The following FNIP2 variants were observed in gnomAD, a reference collection of about 807,000 sequenced individuals.
The protein encoded by FNIP2 is folliculin-interacting protein 2.
In FNIP2, 32 loss-of-function variants were observed where a neutral mutation model predicts 108.7. The observed-to-expected ratio is 0.29, with a 90% confidence interval of 0.22 to 0.40. FNIP2 has a LOEUF of 0.40. Ranked by LOEUF, FNIP2 falls within the 10% of genes least tolerant of loss-of-function variation. The pLI, the probability that FNIP2 is intolerant of heterozygous loss-of-function variation, is 1.00. For synonymous variants in FNIP2, 480 were observed against 496.7 expected (o/e 0.97, Z 0.45); for missense variants, 1,202 against 1,381.6 (o/e 0.87, Z 2.06).
intron 1 of FNIP2, among the ~76,000 whole-genome samples, chr4:158,775,302 G>T (rs1046314960): frequency 2.0e-5 from 3 of 152,146 alleles, no homozygotes; most frequent in African/African-American, 7.2e-5. Flanking sequence ...TGGACTATGA[G>T]ATCATATACT....
chr4:158,804,038 A>G (rs1776851825), intron 1 of FNIP2, among the ~76,000 whole-genome samples: 1 of 152,168 alleles, frequency 6.6e-6, no homozygotes, highest in Non-Finnish European at 1.5e-5. Flanking sequence ...TCCTGAGTTC[A>G]AGAGATTCTC....
chr4:158,883,455 A>G (rs1348065391), intron 14 of FNIP2, among the ~76,000 whole-genome samples: 3 of 152,074 alleles, frequency 2.0e-5, no homozygotes, highest in Admixed American at 6.5e-5. Context: ...GTTAGCCAGG[A>G]TGGTCTCGAT....
chr4:158,815,631 T>G (rs1014737244), intron 1 of FNIP2, among the ~76,000 whole-genome samples: 2 of 152,148 alleles, frequency 1.3e-5, no homozygotes, highest in African/African-American at 4.8e-5. Flanking sequence ...CCCAAAGTGC[T>G]GGGATTAGAG....
At chr4:158,783,582 G>A (rs148137839) in intron 1 of FNIP2, among the ~76,000 whole-genome samples, 1 of 152,304 alleles carries the variant, frequency 6.6e-6, no homozygotes, top group African/African-American at 2.4e-5. Context: ...TCTGCCTGAA[G>A]CACTGAGGCA....
chr4:158,868,088 C>T lies in FNIP2; in HGVS notation c.1466-14C>T, dbSNP rs1780687123. 1.9e-6 allele frequency: 3 copies of T among 1,611,108 alleles called. No homozygotes were observed. Among genetic ancestry groups the T allele is most frequent in the Non-Finnish European group, 2.5e-6 (3 of 1,177,844 alleles). On this transcript the variant is annotated splice_polypyrimidine_tract_variant and intron_variant, in intron 12 of 16. Coordinates refer to ENST00000264433, the MANE Select transcript of FNIP2 (RefSeq NM_020840.3). The surrounding 1 kb of genome is among the most constrained non-coding windows in gnomAD (Gnocchi z 4.6). ...CCAGAGACCACTGCCTTTGTGTCCA[C>T]CTTTGCTCTCTAGGTGATCTTTACG...
rs116763772 is a variant in FNIP2 at position 158,784,714 on chromosome 4, C to T, written c.107+15395C>T. Among the ~76,000 whole-genome samples the T allele has an allele frequency of 6.0e-3, 917 of 152,240 alleles. 10 individuals carry two copies. The highest frequency in any genetic ancestry group is 0.02 in the African/African-American group (836 of 41,536). ...CACTACTATGAGAATCCAATGCCAC[C>T]ACTGATCTGACAAGGTGGAGCTCAG... On this transcript the variant is annotated intron_variant, in intron 1 of 16. Transcript: ENST00000264433.
chr4:158,769,758 C>A (rs1775631146), intron 1 of FNIP2, among the ~76,000 whole-genome samples: 1 of 152,154 alleles, frequency 6.6e-6, no homozygotes, highest in Admixed American at 6.5e-5. Context: ...GAAGGAGCAA[C>A]AGTCACGAAA....
chr4:158,870,521 G>A, intron 14 of FNIP2, 52 bp downstream of exon 14: 2 of 1,553,092 alleles, frequency 1.3e-6, no homozygotes, highest in Non-Finnish European at 1.7e-6. Flanking sequence ...GTCAGTCAAG[G>A]TCTTGGCTGA....
At chr4:158,783,825 T>A (rs1194080578) in intron 1 of FNIP2, among the ~76,000 whole-genome samples, 1 of 152,196 alleles carries the variant, frequency 6.6e-6, no homozygotes, top group Non-Finnish European at 1.5e-5. Context: ...CTTCCTAGAC[T>A]GAGGTTTGCA....
At position 158,907,768 on chromosome 4, in the gene FNIP2, G is replaced by A. The variant is rs968513908; in HGVS notation, c.*3224G>A. 6.6e-6 allele frequency: 1 copy of A among 152,112 alleles called. No homozygotes were observed. Among genetic ancestry groups the A allele is most frequent in the Non-Finnish European group, 1.5e-5 (1 of 68,008 alleles). 9.4% of individuals were successfully genotyped at this position (152,112 alleles called of 1,614,324 possible). A position where few individuals can be genotyped will look rare whatever the true frequency, so the allele number is the denominator to read the frequency against. On this transcript the variant is annotated 3_prime_UTR_variant, in exon 17 of 17. Coordinates refer to ENST00000264433, the MANE Select transcript of FNIP2 (RefSeq NM_020840.3). ...ATATAATTTTTGCCTAAATCAAGAA[G>A]TCCCCTCTGAATGTTAATTTTTAAA...
At chr4:158,859,797 T>C (rs932637555) in intron 10 of FNIP2, 131 bp downstream of exon 10, 3 of 762,308 alleles carry the variant, frequency 3.9e-6, no homozygotes, top group Non-Finnish European at 4.4e-6. Context: ...CCCTTCAAGA[T>C]GGAAACAGAA....
Position 158,906,622 on chromosome 4 carries a change from A to T in FNIP2, c.*2078A>T, listed in dbSNP as rs1173054481. 1 of 152,160 alleles carries T rather than the reference A, an allele frequency of 6.6e-6. No individual in the cohort carries two copies. The highest frequency in any genetic ancestry group is 1.9e-4 in the East Asian group (1 of 5,200). 9.4% of individuals were successfully genotyped at this position (152,160 alleles called of 1,614,324 possible). On this transcript the variant is annotated 3_prime_UTR_variant, in exon 17 of 17. Transcript: ENST00000264433. ...ACTCTTGGAAAAATGCCTGTTGGAA[A>T]ACTACAGGTGGGTCACATGTGGGGG...
rs995626381 is a variant in FNIP2 at position 158,868,398 on chromosome 4, G to A, written c.1762G>A (p.Ala588Thr). ...LVPPILPPTA[A>T]ERHNPWPTGF... is the part of the protein sequence containing the mutation. The stretch of plus-strand genomic sequence containing the variant: ...ACCCCCCATCCTACCACCAACAGCA[G>A]CAGAGAGACACAACCCCTGGCCGAC... The change falls in exon 13 of 17, where the codon GCA becomes ACA. Residue 588 changes from alanine to threonine, a missense_variant. Physicochemically the swap from Ala to Thr is moderately conservative, Grantham distance 58. This residue lies in a region of FNIP2 where 878 missense variants were observed against 990.3 expected (regional missense o/e 0.89). Transcript: ENST00000264433. This position sits in a 1 kb window ranked among gnomAD's most constrained non-coding sequence, Gnocchi z 4.6. 4 of 1,613,894 alleles carry A rather than the reference G, an allele frequency of 2.5e-6. No individual in the cohort carries two copies. In the African/African-American group the frequency reaches 5.3e-5, roughly 22 times the overall value.
intron 16 of FNIP2, among the ~76,000 whole-genome samples, chr4:158,903,998 T>C (rs1729593439): frequency 1.3e-5 from 2 of 152,390 alleles, no homozygotes; most frequent in Admixed American, 6.5e-5. Flanking sequence ...GTATAAACTT[T>C]GAACAAATTC....
intron 14 of FNIP2, among the ~76,000 whole-genome samples, chr4:158,876,959 T>A (rs1475555220): frequency 6.6e-6 from 1 of 152,216 alleles, no homozygotes; most frequent in Non-Finnish European, 1.5e-5. Context: ...TTGCATCGTG[T>A]CAGAGTTAGA....
intron 12 of FNIP2, among the ~76,000 whole-genome samples, chr4:158,862,581 T>C (rs1342305511): frequency 2.0e-5 from 3 of 152,246 alleles, no homozygotes; most frequent in African/African-American, 7.2e-5. Context: ...TAGTGTTCTT[T>C]AGCACTGGAT....
intron 14 of FNIP2, 125 bp from the exon 15 acceptor site, chr4:158,891,321 C>T: frequency 1.2e-6 from 1 of 811,460 alleles, no homozygotes; most frequent in Admixed American, 2.6e-5. Flanking sequence ...GTTGTTAAAT[C>T]TGCTCTATCC....
intron 1 of FNIP2, among the ~76,000 whole-genome samples, chr4:158,821,607 G>T (rs1432169270): frequency 6.6e-6 from 1 of 152,202 alleles, no homozygotes; most frequent in African/African-American, 2.4e-5. Flanking sequence ...GGGGCTGGGA[G>T]TGTGCTGGGA....
intron 1 of FNIP2, among the ~76,000 whole-genome samples, chr4:158,778,141 C>T (rs1382041815): frequency 6.6e-6 from 1 of 152,190 alleles, no homozygotes; most frequent in African/African-American, 2.4e-5. Context: ...CTTTAAATGT[C>T]CAGACTGCTT....
Sources: allele counts gnomAD v4.1 joint callset (sites outside exome capture counted in the v4.1 genomes callset), GRCh38; gene constraint gnomAD v4.1.1; regional missense constraint gnomAD v4.1.1; non-coding constraint Gnocchi (gnomAD v3.1); transcripts MANE v1.5; gene names NCBI Gene and HGNC (gene_info 2026-07-23, HGNC 2026-07-21).